The following PML variants were observed in gnomAD, a reference collection of about 807,000 sequenced individuals.
PML encodes the protein protein PML.
Under a neutral mutation model 65.2 loss-of-function variants are expected in PML, and 28 were observed. That is an observed-to-expected ratio of 0.43 (90% confidence interval 0.32 to 0.59). The LOEUF (loss-of-function observed/expected upper bound fraction) is 0.59. Among genes scored for constraint, PML ranks in the 20% least tolerant of loss-of-function variants. The pLI is 0.08. For synonymous variants in PML, 500 were observed against 508.8 expected (o/e 0.98, Z 0.23); for missense variants, 1,021 against 1,203.4 (o/e 0.85, Z 2.24).
intron 4 of PML, among the ~76,000 whole-genome samples, chr15:74,030,548 C>T (rs1417562557): frequency 6.6e-6 from 1 of 152,146 alleles, no homozygotes; most frequent in Non-Finnish European, 1.5e-5. Context: ...ACTTAGGAGG[C>T]TAAGGCAGGA....
chr15:74,022,958 C>A lies in PML; in HGVS notation c.733C>A (p.Gln245Lys), dbSNP rs1175324232. The change falls in exon 3 of 9, where the codon CAG (glutamine) becomes AAG (lysine). Residue 245 changes from glutamine to lysine, a missense_variant. Gln to Lys is a moderately conservative substitution (Grantham distance 53). Transcript: ENST00000268058. ...ACAGGAGGAGCTGGACGCCATGACGCAGGCGCTGCAGGAGCAGGATAGTGC... is the reference window on the plus strand; with the variant it reads ...ACAGGAGGAGCTGGACGCCATGACGAAGGCGCTGCAGGAGCAGGATAGTGC... ...QRQEELDAMT[Q>K]ALQEQDSAFG... 35 of 1,610,492 alleles carry A rather than the reference C, an allele frequency of 2.2e-5. No individual in the cohort carries two copies. The highest frequency in any genetic ancestry group is 2.9e-5 in the Non-Finnish European group (34 of 1,178,772).
chr15:74,037,569 C>T lies in PML; in HGVS notation c.1710+3039C>T. On this transcript the variant is annotated intron_variant, in intron 7 of 8. Coordinates refer to ENST00000268058, the MANE Select transcript of PML (RefSeq NM_033238.3). The surrounding 1 kb of genome is among the most constrained non-coding windows in gnomAD (Gnocchi z 4.2). ...CTCTCCTTGTTTACACTTCAGCCCCCTCCTTGCCCCTTCTTCACCCCACCT... is the reference window on the plus strand; with the variant it reads ...CTCTCCTTGTTTACACTTCAGCCCCTTCCTTGCCCCTTCTTCACCCCACCT... 1.0e-6 allele frequency: 1 copy of T among 985,442 alleles called. No individual in the cohort carries two copies. Among genetic ancestry groups the T allele is most frequent in the South Asian group, 4.7e-5 (1 of 21,292 alleles). The allele number at this position is 985,442 out of a possible 1,614,324, so 61.0% of individuals were successfully genotyped here.
At chr15:74,002,170 A>T (rs1313030096) in intron 2 of PML, among the ~76,000 whole-genome samples, 2 of 152,086 alleles carry the variant, frequency 1.3e-5, no homozygotes, top group African/African-American at 4.8e-5. Context: ...CAGTTTATAC[A>T]GTTTGTATGA....
At chr15:74,000,945 T>C (rs1327344474) in intron 2 of PML, among the ~76,000 whole-genome samples, 2 of 152,232 alleles carry the variant, frequency 1.3e-5, no homozygotes, top group Non-Finnish European at 2.9e-5. Flanking sequence ...TAAAAGTTTT[T>C]TGAAAAACCA....
intron 7 of PML, chr15:74,036,114 C>A: frequency 3.7e-6 from 6 of 1,612,678 alleles, no homozygotes; most frequent in Non-Finnish European, 1.7e-6. Flanking sequence ...GACCTCTGGG[C>A]AGGGAGACCT....
chr15:74,002,004 GA>G (rs201339026), intron 2 of PML, among the ~76,000 whole-genome samples: 372 of 126,186 alleles, frequency 2.9e-3, no homozygotes, highest in South Asian at 5.0e-3. Context: ...ACCCTGACTC[GA>G]AAAAAAAAAA....
chr15:74,025,323 T>C (rs1322240664), intron 4 of PML: 4 of 272,128 alleles, frequency 1.5e-5, no homozygotes, highest in South Asian at 8.3e-5. Context: ...TCCTGAGGGA[T>C]GTGCAGATGT....
chr15:74,043,267 TG>T lies in PML; in HGVS notation c.1861+131del. The T allele has an allele frequency of 6.3e-7, 1 of 1,578,408 alleles. No individual in the cohort carries two copies. Among genetic ancestry groups the T allele is most frequent in the Non-Finnish European group, 8.6e-7 (1 of 1,163,986 alleles). ...CTCTGGCCAACAACTGCAGCCAGGC[TG>T]GGCAGAGCACTCCGGCTCACCTGGG... On this transcript the variant is annotated intron_variant, in intron 8 of 8. Coordinates refer to ENST00000268058, the MANE Select transcript of PML (RefSeq NM_033238.3). This position sits in a 1 kb window ranked among gnomAD's most constrained non-coding sequence, Gnocchi z 4.3.
intron 2 of PML, among the ~76,000 whole-genome samples, chr15:74,008,128 C>T (rs2070151642): frequency 6.6e-6 from 1 of 152,196 alleles, no homozygotes; most frequent in Admixed American, 6.5e-5. Flanking sequence ...AAGAGGCCAT[C>T]ACACTTAGTG....
Position 74,045,683 on chromosome 15 carries a change from CA to C in PML, c.*676del, listed in dbSNP as rs1486392305. The C allele has an allele frequency of 8.5e-6, 2 of 233,922 alleles. No individual in the cohort carries two copies. The highest frequency in any genetic ancestry group is 1.7e-5 in the Non-Finnish European group (2 of 118,618). The allele number at this position is 233,922 out of a possible 1,614,324, so 14.5% of individuals were successfully genotyped here. A position where few individuals can be genotyped will look rare whatever the true frequency, so the allele number is the denominator to read the frequency against. ...GGCTGCACAGACACCTCTGCTTGGC[CA>C]CAGCTTTGCTCTTTGGTCCTCAGGC... On this transcript the variant is annotated 3_prime_UTR_variant, in exon 9 of 9. Transcript: ENST00000268058.
At position 74,033,201 on chromosome 15, in the gene PML, A is replaced by C; in HGVS notation, c.1444A>C (p.Thr482Pro). The change falls in exon 6 of 9, where the codon ACC becomes CCC. Residue 482 changes from threonine to proline, a missense_variant. By Grantham distance (38) the Thr-to-Pro change is conservative. Transcript: ENST00000268058. Reference protein sequence around the residue: ...TTAQKRKCSQTQCPRKVIKME... With the variant: ...TTAQKRKCSQPQCPRKVIKME... ...AGCCCAGAAGAGGAAGTGCAGCCAG[A>C]CCCAGTGCCCCAGGAAGGTCATCAA... The C allele has an allele frequency of 6.2e-7, 1 of 1,614,204 alleles. No homozygotes were observed. Among genetic ancestry groups the C allele is most frequent in the Non-Finnish European group, 8.5e-7 (1 of 1,180,026 alleles).
At chr15:74,036,452 T>A in intron 7 of PML, 1 of 1,259,542 alleles carries the variant, frequency 7.9e-7, no homozygotes, top group Non-Finnish European at 1.0e-6. Context: ...AGCTCCTCCC[T>A]GCAGGCTGTT....
chr15:74,040,301 C>T (rs1326268037), intron 7 of PML, among the ~76,000 whole-genome samples: 1 of 152,214 alleles, frequency 6.6e-6, no homozygotes, highest in Non-Finnish European at 1.5e-5. Context: ...CATAGCAAAG[C>T]TTTCCCCCTT....
At position 73,994,916 on chromosome 15, in the gene PML, C is replaced by CCAGCCA; in HGVS notation, c.109_110insACAGCC (p.Ser36_Pro37insHisSer). 1.3e-6 allele frequency: 2 copies of CCAGCCA among 1,547,174 alleles called. No homozygotes were observed. Among genetic ancestry groups the CCAGCCA allele is most frequent in the Non-Finnish European group, 1.7e-6 (2 of 1,144,592 alleles). The stretch of plus-strand genomic sequence containing the variant: ...GAGACCCCCTCTGAAGGCCGCCAGC[C>CCAGCCA]CAGCCCCAGCCCCAGCCCTACAGAG... On this transcript the variant is annotated inframe_insertion, in exon 1 of 9. Transcript: ENST00000268058.
rs2071772640 is a variant in PML, at chr15:74,046,525, A to G, written c.*1517A>G. The G allele has an allele frequency of 4.3e-6, 1 of 232,432 alleles. No individual in the cohort carries two copies. The highest frequency in any genetic ancestry group is 1.8e-4 in the South Asian group (1 of 5,528). The allele number at this position is 232,432 out of a possible 1,614,324, so 14.4% of individuals were successfully genotyped here. On this transcript the variant is annotated 3_prime_UTR_variant, in exon 9 of 9. Transcript: ENST00000268058. ...AGGAATTCCGTAGGGTCTTGTTCCCACGACCGGAGTGCTGGCTCTCACAGT... is the reference window on the plus strand; with the variant it reads ...AGGAATTCCGTAGGGTCTTGTTCCCGCGACCGGAGTGCTGGCTCTCACAGT...
chr15:74,026,482 C>G (rs2071083411), intron 4 of PML: 1 of 151,944 alleles, frequency 6.6e-6, no homozygotes, highest in African/African-American at 2.4e-5. Context: ...AAAGCTGACT[C>G]TTAACTGCCT....
intron 4 of PML, chr15:74,026,167 G>GT (rs2071063509): frequency 6.5e-6 from 1 of 153,258 alleles, no homozygotes; most frequent in Non-Finnish European, 1.5e-5. Flanking sequence ...TCTGTTTTTT[G>GT]TTTGTTTGTT....
rs776522964 is a variant in PML, at chr15:74,044,487, G to T, written c.2128G>T (p.Ala710Ser). 1 of 1,614,012 alleles carries T rather than the reference G, an allele frequency of 6.2e-7. No homozygotes were observed. The highest frequency in any genetic ancestry group is 1.1e-5 in the South Asian group (1 of 91,086). ...GGAGGCCATCTCGGGCTTCCTGGCT[G>T]CCCTGCCTCTCATCCGGGAGCGTGT... ...FQEAISGFLA[A>S]LPLIRERVPG... The change falls in exon 9 of 9, where the codon GCC becomes TCC. Residue 710 changes from alanine to serine, a missense_variant. Transcript: ENST00000268058.
chr15:74,044,101 C>A, intron 8 of PML, 120 bp from the exon 9 acceptor site: 1 of 927,214 alleles, frequency 1.1e-6, no homozygotes, highest in Non-Finnish European at 1.7e-6. Flanking sequence ...GTGGCTACTG[C>A]CAGCAGACCC....
Sources: gnomAD v4.1 joint callset for allele counts (sites outside exome capture counted in the v4.1 genomes callset) on GRCh38, gnomAD v4.1.1 for gene constraint, Gnocchi (gnomAD v3.1) non-coding constraint, MANE v1.5 for transcripts, NCBI Gene and HGNC (gene_info 2026-07-23, HGNC 2026-07-21) for gene names.